The following ADAMTSL1 variants were observed in gnomAD, a reference collection of about 807,000 sequenced individuals.
ADAMTSL1 encodes ADAMTS-like protein 1.
ADAMTSL1 carries 126 observed loss-of-function variants against 201.8 expected under a neutral mutation model. The observed-to-expected ratio is 0.62, with a 90% CI of 0.54 to 0.72. The LOEUF (loss-of-function observed/expected upper bound fraction) is 0.72, where lower values mean the gene tolerates loss of function less well. ADAMTSL1 is among the 30% of genes least tolerant of loss of function. The pLI, the probability that ADAMTSL1 is intolerant of heterozygous loss-of-function variation, is 0.00. For missense variants in ADAMTSL1, 2,679 were observed against 2,277.8 expected (o/e 1.18, Z -3.59); for synonymous variants, 1,121 against 903.4 (o/e 1.24, Z -4.32).
intron 20 of ADAMTSL1, among the ~76,000 whole-genome samples, chr9:18,805,307 T>C (rs903422256): frequency 2.6e-5 from 4 of 152,234 alleles, no homozygotes; most frequent in African/African-American, 9.6e-5. Flanking sequence ...TTGTTCAAAA[T>C]AGAAGCAGTT....
At chr9:17,957,164 A>C (rs1179576616) in intron 1 of ADAMTSL1, among the ~76,000 whole-genome samples, 2 of 152,214 alleles carry the variant, frequency 1.3e-5, no homozygotes, top group Non-Finnish European at 2.9e-5. Flanking sequence ...TATAGATATA[A>C]ACTTATTTTA....
intron 2 of ADAMTSL1, among the ~76,000 whole-genome samples, chr9:18,186,606 A>T (rs1236731660): frequency 2.0e-5 from 3 of 152,094 alleles, no homozygotes; most frequent in Admixed American, 6.6e-5. Context: ...TTATTGCAAT[A>T]TATTTTGTGA....
At chr9:18,702,307 G>C (rs576276424) in intron 13 of ADAMTSL1, among the ~76,000 whole-genome samples, 1 of 152,318 alleles carries the variant, frequency 6.6e-6, no homozygotes, top group East Asian at 1.9e-4. Context: ...CTAGAGGCTA[G>C]TGCTAGCTAA....
intron 1 of ADAMTSL1, among the ~76,000 whole-genome samples, chr9:17,955,662 T>G (rs1049171298): frequency 2.0e-5 from 3 of 152,226 alleles, no homozygotes; most frequent in Admixed American, 1.3e-4. Context: ...ATATCCACAC[T>G]GTAGATGTTA....
intron 2 of ADAMTSL1, among the ~76,000 whole-genome samples, chr9:18,218,548 G>C (rs529273893): frequency 1.3e-5 from 2 of 152,220 alleles, no homozygotes; most frequent in Admixed American, 1.3e-4. Flanking sequence ...AGAACTTCAT[G>C]CTTGTTGACC....
chr9:18,900,774 G>T (rs1157872675), intron 26 of ADAMTSL1, among the ~76,000 whole-genome samples: 2 of 150,550 alleles, frequency 1.3e-5, no homozygotes, highest in African/African-American at 4.9e-5. Context: ...GGGCCTATTG[G>T]CGGTGGGGGT....
At chr9:18,398,851 A>G (rs1817850158) in intron 2 of ADAMTSL1, among the ~76,000 whole-genome samples, 1 of 152,204 alleles carries the variant, frequency 6.6e-6, no homozygotes, top group Non-Finnish European at 1.5e-5. Context: ...CATTTAACAA[A>G]TGTTTAATGA....
intron 1 of ADAMTSL1, among the ~76,000 whole-genome samples, chr9:18,129,403 A>G (rs1825859852): frequency 6.6e-6 from 1 of 152,182 alleles, no homozygotes. Context: ...TTTCAAGGTC[A>G]CATGGTTTGT....
chr9:18,905,959 G>C (rs1830286295), intron 27 of ADAMTSL1, 68 bp downstream of exon 27: 39 of 1,352,312 alleles, frequency 2.9e-5, no homozygotes, highest in Non-Finnish European at 3.8e-5. Context: ...GGTGCTGAGT[G>C]AATGTTTCTC....
chr9:18,434,773 G>GC (rs1444829619), intron 2 of ADAMTSL1, among the ~76,000 whole-genome samples: 2 of 152,172 alleles, frequency 1.3e-5, no homozygotes, highest in East Asian at 3.9e-4. Context: ...AGATCTGGCT[G>GC]AATCTACCTC....
In ADAMTSL1 at chr9:18,667,762, A is replaced by G. The variant is rs191434918; in HGVS notation, c.1085+5689A>G. Among the ~76,000 whole-genome samples the G allele has an allele frequency of 6.9e-3, 1,058 of 152,322 alleles. 10 individuals carry two copies. The highest frequency in any genetic ancestry group is 0.011 in the Non-Finnish European group (730 of 68,032). On this transcript the variant is annotated intron_variant, in intron 9 of 28. Transcript: ENST00000380548. ...TCTCCAGAAATCAGCTTTCTCATCC[A>G]TGAAAGGAAAAGATGGAATTCTAGA... is the stretch of plus-strand genomic sequence containing the variant.
At chr9:18,682,844 C>CA (rs534844510) in intron 12 of ADAMTSL1, among the ~76,000 whole-genome samples, 29 of 149,394 alleles carry the variant, frequency 1.9e-4, no homozygotes, top group Middle Eastern at 3.4e-3. Flanking sequence ...TAAAAGGAAA[C>CA]AAAAAAAAAC....
intron 1 of ADAMTSL1, among the ~76,000 whole-genome samples, chr9:17,992,254 G>T (rs1463787667): frequency 6.6e-6 from 1 of 152,212 alleles, no homozygotes; most frequent in South Asian, 2.1e-4. Flanking sequence ...GACACCTCTT[G>T]CTGGGTGTCA....
At chr9:18,803,712 A>T (rs1822937458) in intron 20 of ADAMTSL1, among the ~76,000 whole-genome samples, 2 of 152,208 alleles carry the variant, frequency 1.3e-5, no homozygotes, top group African/African-American at 4.8e-5. Context: ...AACTGAACTA[A>T]TTCAAATTTT....
chr9:18,697,502 A>G (rs1255242678), intron 13 of ADAMTSL1, among the ~76,000 whole-genome samples: 2 of 152,122 alleles, frequency 1.3e-5, no homozygotes, highest in African/African-American at 4.8e-5. Flanking sequence ...ACAACCAGTA[A>G]TCTCTTTTGC....
At position 18,344,024 on chromosome 9, in the gene ADAMTSL1, A is replaced by G. The variant is rs148416173; in HGVS notation, c.208-160805A>G. The stretch of plus-strand genomic sequence containing the variant: ...TTTAGTACAAAGTACTGAATCATCA[A>G]CTTTTCCCCAGAATTACTTCATCTT... On this transcript the variant is annotated intron_variant, in intron 2 of 29. Coordinates refer to the ADAMTSL1 transcript ENST00000680146. Among the ~76,000 whole-genome samples the G allele has an allele frequency of 6.9e-4, 105 of 152,234 alleles. No individual in the cohort carries two copies. The Middle Eastern group carries it at 0.014, about 20-fold the overall frequency.
chr9:18,807,480 T>C (rs1321104910), intron 20 of ADAMTSL1, among the ~76,000 whole-genome samples: 3 of 151,634 alleles, frequency 2.0e-5, no homozygotes, highest in Admixed American at 2.0e-4. Flanking sequence ...CCGTCTCTAC[T>C]AAAAAATACA....
At chr9:18,475,194 T>G (rs1246264414) in intron 1 of ADAMTSL1, among the ~76,000 whole-genome samples, 1 of 152,192 alleles carries the variant, frequency 6.6e-6, no homozygotes, top group African/African-American at 2.4e-5. Context: ...CAAATGTGAT[T>G]GTAGTTTTTC....
At chr9:18,006,882 T>C (rs1819849777) in intron 1 of ADAMTSL1, among the ~76,000 whole-genome samples, 1 of 152,050 alleles carries the variant, frequency 6.6e-6, no homozygotes, top group African/African-American at 2.4e-5. Flanking sequence ...AAATGAAGAC[T>C]ACCTAATTTG....
Sources: allele counts gnomAD v4.1 joint callset (sites outside exome capture counted in the v4.1 genomes callset), GRCh38; gene constraint gnomAD v4.1.1; transcripts MANE v1.5; gene names NCBI Gene and HGNC (gene_info 2026-07-23, HGNC 2026-07-21).